Variants in DKK3 observed in about 807,000 individuals in gnomAD.
DKK3 encodes the protein dickkopf-related protein 3.
DKK3 carries 22 observed loss-of-function variants against 33.2 expected under a neutral mutation model. That is an observed-to-expected ratio of 0.66 (90% CI 0.47 to 0.95). The LOEUF is 0.95. DKK3 is among the 40% of genes least tolerant of loss of function. The probability of loss-of-function intolerance (pLI) is 0.00; values close to 1 mark genes in which losing one functional copy is unlikely to be tolerated. For missense variants in DKK3, 398 were observed against 458.4 expected (o/e 0.87, Z 1.20); for synonymous variants, 194 against 188.8 (o/e 1.03, Z -0.23).
Position 11,965,925 on chromosome 11 carries a change from G to A in DKK3, c.714C>T (p.Gly238=), listed in dbSNP as rs775942584. ...FPVCTPLPVE[G]ELCHDPASRL... ...GGCTGGCGGGGTCATGGCAAAGCTC[G>A]CCCTCCACGGGCAGGGGTGTGCACA... The change falls in exon 6 of 7, where the codon GGC becomes GGT. Residue 238 remains glycine (G), a synonymous_variant. Transcript: ENST00000683431. The A allele has an allele frequency of 1.1e-4, 173 of 1,613,666 alleles. No individual in the cohort carries two copies. In the South Asian group the frequency reaches 1.4e-3, roughly 13 times the overall value.
At chr11:11,969,494 T>C (rs1847678083) in intron 3 of DKK3, among the ~76,000 whole-genome samples, 1 of 152,084 alleles carries the variant, frequency 6.6e-6, no homozygotes, top group Non-Finnish European at 1.5e-5. Context: ...ATGTGACTAG[T>C]TCAGGGTGGA....
At chr11:11,980,711 G>C (rs1373803992) in intron 3 of DKK3, among the ~76,000 whole-genome samples, 1 of 152,086 alleles carries the variant, frequency 6.6e-6, no homozygotes, top group African/African-American at 2.4e-5. Context: ...ACCCCAGTTG[G>C]GTACTCAGGG....
At chr11:11,991,976 T>C (rs2135075312) in intron 3 of DKK3, among the ~76,000 whole-genome samples, 1 of 152,308 alleles carries the variant, frequency 6.6e-6, no homozygotes, top group South Asian at 2.1e-4. Flanking sequence ...TGTAATGACT[T>C]GTTTATTTTT....
Position 12,002,350 on chromosome 11 carries a change from C to T in DKK3, c.301G>A (p.Asp101Asn), listed in dbSNP as rs1848447444. The change falls in exon 2 of 7, where the codon GAC becomes AAC. Residue 101 changes from aspartate (D) to asparagine (N), a missense_variant. Physicochemically the swap from Asp to Asn is conservative, Grantham distance 23. Transcript: ENST00000683431. ...PPSYHNETNT[D>N]TKVGNNTIHV... ...ATGGTATTATTTCCAACCTTCGTGT[C>T]TGTGTTGGTCTCATTGTGATAGCTG... The T allele has an allele frequency of 6.2e-7, 1 of 1,613,950 alleles. No homozygotes were observed.
At chr11:11,977,328 T>A (rs6485329) in intron 3 of DKK3, among the ~76,000 whole-genome samples, 39,083 of 151,130 alleles carry the variant, frequency 0.26, 7,021 homozygotes, top group African/African-American at 0.52. Context: ...CCTCCAGAGC[T>A]CCTCTGGGAG....
At chr11:11,976,611 G>A (rs1381661399) in intron 3 of DKK3, among the ~76,000 whole-genome samples, 1 of 152,210 alleles carries the variant, frequency 6.6e-6, no homozygotes, top group African/African-American at 2.4e-5. Context: ...GCCCCAGCCA[G>A]GGGGCAGGAG....
chr11:12,008,843 G>C, upstream of DKK3: 1 of 1,156,758 alleles, frequency 8.6e-7, no homozygotes, highest in Non-Finnish European at 1.1e-6. This position sits in a 1 kb window ranked among gnomAD's most constrained non-coding sequence, Gnocchi z 4.6. Context: ...CCCCATCCTC[G>C]AGCACAAGCT....
chr11:11,971,582 T>G (rs2065063796), intron 3 of DKK3, among the ~76,000 whole-genome samples: 1 of 152,238 alleles, frequency 6.6e-6, no homozygotes, highest in Non-Finnish European at 1.5e-5. Flanking sequence ...TTCCATTAAT[T>G]TGGCTTCTCA....
At chr11:11,982,487 A>G (rs189899547) in intron 3 of DKK3, among the ~76,000 whole-genome samples, 172 of 152,266 alleles carry the variant, frequency 1.1e-3, no homozygotes, top group African/African-American at 4.0e-3. Context: ...TCAGGGTGCA[A>G]ATAGCACTCT....
chr11:11,972,302 G>T lies in DKK3; in HGVS notation c.436-3815C>A, dbSNP rs377757609. Among the ~76,000 whole-genome samples, 37 of 152,274 alleles carry T rather than the reference G, an allele frequency of 2.4e-4. 1 individual carries two copies. The South Asian group carries it at 7.7e-3, about 32-fold the overall frequency. ...CCGCTATGGTGCACCCCTGCCAGGG[G>T]GCCAGTCTGTGAGCAGAAAGGAAGG... On this transcript the variant is annotated intron_variant, in intron 3 of 6. Coordinates refer to ENST00000683431, the MANE Select transcript of DKK3 (RefSeq NM_001018057.2).
intron 5 of DKK3, 89 bp downstream of exon 5, chr11:11,966,865 A>T: frequency 6.4e-7 from 1 of 1,553,046 alleles, no homozygotes; most frequent in African/African-American, 1.4e-5. Flanking sequence ...ACGCGAAACC[A>T]TGTGGTTGGC....
intron 6 of DKK3, among the ~76,000 whole-genome samples, chr11:11,965,292 C>T (rs1364868776): frequency 6.6e-6 from 1 of 152,132 alleles, no homozygotes; most frequent in Admixed American, 6.5e-5. Flanking sequence ...GCCCAGCAGC[C>T]CTGGATTCTG....
intron 5 of DKK3, 21 bp from the exon 6 acceptor site, chr11:11,965,986 C>T (rs756218068): frequency 1.3e-6 from 2 of 1,599,454 alleles, no homozygotes; most frequent in East Asian, 2.2e-5. Flanking sequence ...CCCAGAGTCA[C>T]CCCTGTGTGC....
chr11:11,970,179 A>T, intron 3 of DKK3, among the ~76,000 whole-genome samples: 1 of 152,228 alleles, frequency 6.6e-6, no homozygotes, highest in East Asian at 1.9e-4. Flanking sequence ...ACAGGCACAG[A>T]ATCCCTTCTC....
intron 6 of DKK3, 62 bp downstream of exon 6, chr11:11,965,747 C>T (rs1021310644): frequency 2.3e-5 from 37 of 1,575,244 alleles, no homozygotes; most frequent in Non-Finnish European, 2.8e-5. Context: ...GCTCCTACGC[C>T]CCTGCTGGAT....
intron 1 of DKK3, 72 bp from the exon 2 acceptor site, chr11:12,002,509 A>C (rs567008918): frequency 6.5e-7 from 1 of 1,547,702 alleles, no homozygotes; most frequent in Non-Finnish European, 8.8e-7. Context: ...TAGAAAAAAA[A>C]AATCTCTTTT....
At chr11:11,969,127 G>T (rs750905513) in intron 3 of DKK3, among the ~76,000 whole-genome samples, 3 of 152,188 alleles carry the variant, frequency 2.0e-5, no homozygotes, top group Non-Finnish European at 4.4e-5. Context: ...TGGAGAAACA[G>T]GGAGAGAAGG....
At chr11:11,965,773 C>T (rs781300155) in intron 6 of DKK3, 36 bp downstream of exon 6, 1 of 1,606,896 alleles carries the variant, frequency 6.2e-7, no homozygotes. Flanking sequence ...CTCCTCAGCC[C>T]TTGGCTCCCT....
At chr11:11,972,337 A>G (rs1847741270) in intron 3 of DKK3, among the ~76,000 whole-genome samples, 1 of 152,184 alleles carries the variant, frequency 6.6e-6, no homozygotes, top group African/African-American at 2.4e-5. Context: ...GTCTAAATCA[A>G]CAGGGCCTTA....
Sources: gnomAD v4.1 joint callset for allele counts (sites outside exome capture counted in the v4.1 genomes callset) on GRCh38, gnomAD v4.1.1 for gene constraint, Gnocchi (gnomAD v3.1) non-coding constraint, MANE v1.5 for transcripts, NCBI Gene and HGNC (gene_info 2026-07-23, HGNC 2026-07-21) for gene names.